RBMS3: variants seen among roughly 807,000 people sequenced by gnomAD.
RBMS3 encodes the protein RNA-binding motif, single-stranded-interacting protein 3.
Under a neutral mutation model 66.8 loss-of-function variants are expected in RBMS3, and 27 were observed. The observed-to-expected ratio is 0.40, with a 90% CI of 0.30 to 0.56. RBMS3 has a LOEUF of 0.56. RBMS3 is among the 20% of genes least tolerant of loss of function. The pLI is 0.40. For missense variants in RBMS3, 513 were observed against 549.5 expected, an observed-to-expected ratio of 0.93 and a Z score of 0.66; for synonymous variants, 188 against 183.0, an observed-to-expected ratio of 1.03 and a Z score of -0.22.
At chr3:29,291,722 C>T (rs950397625) in intron 1 of RBMS3, among the ~76,000 whole-genome samples, 1 of 151,650 alleles carries the variant, frequency 6.6e-6, no homozygotes, top group African/African-American at 2.4e-5. Flanking sequence ...GGTTATTTAC[C>T]TAGGATAATA....
intron 12 of RBMS3, among the ~76,000 whole-genome samples, chr3:29,980,681 A>T (rs142806134): frequency 9.7e-4 from 147 of 152,288 alleles, no homozygotes; most frequent in African/African-American, 3.4e-3. Context: ...ACCACTTATT[A>T]AATAGGGAAT....
At chr3:29,836,699 C>T (rs2058516780) in intron 6 of RBMS3, among the ~76,000 whole-genome samples, 1 of 151,600 alleles carries the variant, frequency 6.6e-6, no homozygotes, top group Non-Finnish European at 1.5e-5. Flanking sequence ...GTAGATTTTT[C>T]ATATCCTTAC....
intron 2 of RBMS3, among the ~76,000 whole-genome samples, chr3:29,440,971 A>G (rs1227536572): frequency 6.6e-6 from 1 of 152,206 alleles, no homozygotes; most frequent in Non-Finnish European, 1.5e-5. Flanking sequence ...TAAATAAGAA[A>G]AATGTGACTG....
chr3:29,465,712 A>G (rs2042520684), intron 2 of RBMS3, among the ~76,000 whole-genome samples: 1 of 152,142 alleles, frequency 6.6e-6, no homozygotes, highest in South Asian at 2.1e-4. Context: ...AATCACTGCT[A>G]TTTAGATGGT....
rs1699728125 is a variant in RBMS3 at position 30,004,004 on chromosome 3, T to G, written c.*142T>G. On this transcript the variant is annotated 3_prime_UTR_variant, in exon 15 of 15. Coordinates refer to ENST00000383767, the MANE Select transcript of RBMS3 (RefSeq NM_001003793.3). ...GTTGTTTTTTTTTTAGTGTTATACC[T>G]TACCCAATGAAAGCAAAGTTTTTAT... is the stretch of plus-strand genomic sequence containing the variant. 1 of 607,772 alleles carries G rather than the reference T, an allele frequency of 1.6e-6. No individual in the cohort carries two copies. The highest frequency in any genetic ancestry group is 2.5e-6 in the Non-Finnish European group (1 of 403,290). 37.6% of individuals were successfully genotyped at this position (607,772 alleles called of 1,614,324 possible).
intron 10 of RBMS3, among the ~76,000 whole-genome samples, chr3:29,902,873 T>C (rs749924602): frequency 2.0e-5 from 3 of 151,856 alleles, no homozygotes; most frequent in Non-Finnish European, 4.4e-5. Context: ...CTCAATCTGG[T>C]TTGTATCTGA....
chr3:29,695,079 A>C (rs2149278829), intron 4 of RBMS3, among the ~76,000 whole-genome samples: 1 of 152,250 alleles, frequency 6.6e-6, no homozygotes, highest in South Asian at 2.1e-4. Context: ...TTTTTTAAAC[A>C]ACACTTTTGC....
In RBMS3 at chr3:29,410,797, T is replaced by A. The variant is rs188658149; in HGVS notation, c.76-23946T>A. Among the ~76,000 whole-genome samples, 133 of 152,300 alleles carry A rather than the reference T, an allele frequency of 8.7e-4. No individual in the cohort carries two copies. The East Asian group carries it at 0.013, about 15-fold the overall frequency. ...GTTTTTCAAAGCTGTGTGTGTGGTC[T>A]GGTGTTGACAGGAGAGAACATACAA... On this transcript the variant is annotated intron_variant, in intron 1 of 14. Transcript: ENST00000383767.
chr3:29,549,223 C>T (rs1327577667), intron 3 of RBMS3, among the ~76,000 whole-genome samples: 1 of 151,672 alleles, frequency 6.6e-6, no homozygotes, highest in African/African-American at 2.4e-5. Context: ...TTCTTTGTGT[C>T]TCTCAGTGAC....
chr3:29,304,735 C>A (rs371063447), intron 1 of RBMS3, among the ~76,000 whole-genome samples: 2 of 152,024 alleles, frequency 1.3e-5, no homozygotes, highest in East Asian at 3.9e-4. Flanking sequence ...GTTATTCCAC[C>A]GGATATTACC....
Position 29,696,985 on chromosome 3 carries a change from T to C in RBMS3, c.400-42735T>C, listed in dbSNP as rs565430743. Reference sequence around the variant, plus strand: ...TTGTAGGTACCCCTAGTAGTTGTGATTTCTCCAAAACTTCTAACTTGCTAC... The same window carrying C: ...TTGTAGGTACCCCTAGTAGTTGTGACTTCTCCAAAACTTCTAACTTGCTAC... On this transcript the variant is annotated intron_variant, in intron 4 of 14. Coordinates refer to ENST00000383767, the MANE Select transcript of RBMS3 (RefSeq NM_001003793.3). The C allele has an allele frequency of 1.4e-5, 14 of 985,288 alleles. No individual in the cohort carries two copies. The African/African-American group carries it at 1.9e-4, about 14-fold the overall frequency. 61.0% of individuals were successfully genotyped at this position (985,288 alleles called of 1,614,324 possible).
At chr3:29,927,306 T>C (rs1028871606) in intron 10 of RBMS3, 3 of 152,234 alleles carry the variant, frequency 2.0e-5, no homozygotes, top group South Asian at 2.1e-4. Context: ...TTGTTTCACA[T>C]ACCATTAAAG....
At chr3:29,580,153 A>T (rs1485499365) in intron 3 of RBMS3, among the ~76,000 whole-genome samples, 1 of 152,194 alleles carries the variant, frequency 6.6e-6, no homozygotes, top group Non-Finnish European at 1.5e-5. Context: ...GCTAGGAAAT[A>T]CCATTGGGGA....
chr3:29,914,603 A>G (rs906740557), intron 10 of RBMS3, among the ~76,000 whole-genome samples: 2 of 151,846 alleles, frequency 1.3e-5, no homozygotes, highest in Non-Finnish European at 2.9e-5. Flanking sequence ...TTGTTTAGCA[A>G]CCCAATTATG....
At chr3:29,558,463 A>T (rs2149043939) in intron 3 of RBMS3, among the ~76,000 whole-genome samples, 1 of 152,350 alleles carries the variant, frequency 6.6e-6, no homozygotes, top group Non-Finnish European at 1.5e-5. Context: ...ATTGAGATGC[A>T]TTCAGAAACA....
At chr3:29,745,461 G>A (rs1231921160) in intron 5 of RBMS3, among the ~76,000 whole-genome samples, 1 of 152,066 alleles carries the variant, frequency 6.6e-6, no homozygotes, top group Non-Finnish European at 1.5e-5. Context: ...AGTCTGGAGG[G>A]CCATGACTGT....
At chr3:29,344,122 T>A (rs1315169750) in intron 1 of RBMS3, among the ~76,000 whole-genome samples, 1 of 152,152 alleles carries the variant, frequency 6.6e-6, no homozygotes, top group Non-Finnish European at 1.5e-5. Flanking sequence ...CCTTTTCTCC[T>A]CCCTCCCTCC....
At chr3:29,751,825 C>T (rs373414439) in intron 5 of RBMS3, among the ~76,000 whole-genome samples, 3 of 152,154 alleles carry the variant, frequency 2.0e-5, no homozygotes, top group Non-Finnish European at 4.4e-5. Context: ...AGGGTTAGCA[C>T]GCAGGTGAGC....
chr3:29,803,254 T>G (rs2057443456), intron 6 of RBMS3, among the ~76,000 whole-genome samples: 1 of 152,148 alleles, frequency 6.6e-6, no homozygotes, highest in African/African-American at 2.4e-5. Flanking sequence ...AATCAGTATT[T>G]TCACCTGCAT....
Sources: allele counts gnomAD v4.1 joint callset (sites outside exome capture counted in the v4.1 genomes callset), GRCh38; gene constraint gnomAD v4.1.1; transcripts MANE v1.5; gene names NCBI Gene and HGNC (gene_info 2026-07-23, HGNC 2026-07-21).